Variants in PTPRS observed in about 807,000 individuals in gnomAD.
The protein encoded by PTPRS is protein tyrosine phosphatase receptor type S.
PTPRS carries 63 observed loss-of-function variants against 215.3 expected under a neutral mutation model. The observed-to-expected ratio is 0.29, with a 90% CI of 0.24 to 0.36. PTPRS has a LOEUF of 0.36. Ranked by LOEUF, PTPRS falls within the 10% of genes least tolerant of loss-of-function variation. The pLI is 1.00. For missense variants in PTPRS, 2,258 were observed against 2,825.8 expected (o/e 0.80, Z 4.56); for synonymous variants, 1,404 against 1,191.4 (o/e 1.18, Z -3.68).
intron 35 of PTPRS, among the ~76,000 whole-genome samples, chr19:5,208,804 C>T (rs2040604456): frequency 6.6e-6 from 1 of 152,170 alleles, no homozygotes; most frequent in Admixed American, 6.5e-5. Context: ...TCCTGTATGA[C>T]ATCCAGCACC....
At chr19:5,250,656 C>A (rs1239548636) in intron 9 of PTPRS, among the ~76,000 whole-genome samples, 1 of 2,196 alleles carries the variant, frequency 4.6e-4, no homozygotes, top group Non-Finnish European at 8.5e-4. Flanking sequence ...GGAGGGTGGG[C>A]GGTGGGGTGG....
At chr19:5,236,401 T>C (rs1487311903) in intron 13 of PTPRS, among the ~76,000 whole-genome samples, 1 of 152,222 alleles carries the variant, frequency 6.6e-6, no homozygotes, top group Non-Finnish European at 1.5e-5. Flanking sequence ...GGTTTGAGGT[T>C]GGCAGCTCAG....
chr19:5,319,347 GT>G (rs1312266159), intron 1 of PTPRS, among the ~76,000 whole-genome samples: 6 of 151,942 alleles, frequency 3.9e-5, no homozygotes, highest in African/African-American at 1.2e-4. Context: ...GGAGGTGGAG[GT>G]TGCAGTGAGC....
In PTPRS at chr19:5,339,124, G is replaced by A. The variant is rs1311546049; in HGVS notation, c.-95+1540C>T. On this transcript the variant is annotated intron_variant, in intron 1 of 37. Transcript: ENST00000262963. The surrounding 1 kb of genome is among the most constrained non-coding windows in gnomAD (Gnocchi z 4.2). ...CTTCACTAGCCGCGGCTGCCGGGAT[G>A]TGTTTTTAGGGTCTCGGCCAGAGGC... Among the ~76,000 whole-genome samples the A allele has an allele frequency of 6.6e-6, 1 of 152,202 alleles. No homozygotes were observed. The highest frequency in any genetic ancestry group is 1.5e-5 in the Non-Finnish European group (1 of 68,022).
chr19:5,208,410 A>C lies in PTPRS; in HGVS notation c.5488-19T>G, dbSNP rs762180810. 3.9e-6 allele frequency: 6 copies of C among 1,555,110 alleles called. No homozygotes were observed. On this transcript the variant is annotated intron_variant, in intron 35 of 37. Transcript: ENST00000262963. ...GGCCATCCTAGAGTGCAGAGAGCCC[A>C]ATCTTGTTATCAGGTCAGCAGCGGC...
intron 10 of PTPRS, 90 bp downstream of exon 10, chr19:5,245,686 G>A (rs1014590268): frequency 4.1e-6 from 6 of 1,477,040 alleles, no homozygotes; most frequent in African/African-American, 1.4e-5. Context: ...TAACTCGGAG[G>A]TGCTCCCACG....
At chr19:5,232,381 CTGTT>C (rs558711362) in intron 13 of PTPRS, among the ~76,000 whole-genome samples, 1 of 150,050 alleles carries the variant, frequency 6.7e-6, no homozygotes. Flanking sequence ...AGCAGAAGCT[CTGTT>C]TATTAGGCAC....
rs1485180128 is a variant in PTPRS at position 5,338,367 on chromosome 19, A to C, written c.-95+2297T>G. Among the ~76,000 whole-genome samples, 1 of 152,166 alleles carries C rather than the reference A, an allele frequency of 6.6e-6. No homozygotes were observed. On this transcript the variant is annotated intron_variant, in intron 1 of 37. Coordinates refer to ENST00000262963, the MANE Select transcript of PTPRS (RefSeq NM_002850.4). The surrounding 1 kb of genome is among the most constrained non-coding windows in gnomAD (Gnocchi z 4.2). ...CAGGGGGCTGGGAGGCCTAGCCCCC[A>C]TGCAGAAGTGCACCGTCATGATGAG...
At chr19:5,221,655 TGATCTCAGACTGAACCTC>T (rs2041989481) in intron 19 of PTPRS, among the ~76,000 whole-genome samples, 1 of 152,102 alleles carries the variant, frequency 6.6e-6, no homozygotes, top group Non-Finnish European at 1.5e-5. Flanking sequence ...GACTGATTCC[TGATCTCAGACTGAACCTC>T]AATCCCAGGC....
chr19:5,256,133 A>AG lies in PTPRS; in HGVS notation c.707-15dup. On this transcript the variant is annotated splice_polypyrimidine_tract_variant and intron_variant, in intron 8 of 37. Coordinates refer to ENST00000262963, the MANE Select transcript of PTPRS (RefSeq NM_002850.4). ...CTTCTCGAAGCTCTGAGGGATGTAAAGGGGGTTTGATGCAGAACACAATGA... is the reference window on the plus strand; with the variant it reads ...CTTCTCGAAGCTCTGAGGGATGTAAAGGGGGGTTTGATGCAGAACACAATGA... 2 of 1,523,288 alleles carry AG rather than the reference A, an allele frequency of 1.3e-6. No homozygotes were observed. Among genetic ancestry groups the AG allele is most frequent in the Non-Finnish European group, 1.8e-6 (2 of 1,100,684 alleles). 94.4% of individuals were successfully genotyped at this position (1,523,288 alleles called of 1,614,324 possible). A position where few individuals can be genotyped will look rare whatever the true frequency, so the allele number is the denominator to read the frequency against.
chr19:5,302,832 C>T (rs908818051), intron 1 of PTPRS, among the ~76,000 whole-genome samples: 12 of 148,052 alleles, frequency 8.1e-5, no homozygotes, highest in African/African-American at 2.5e-4. Context: ...TTGAGGCGGG[C>T]GGATCACGAG....
chr19:5,225,905 C>G (rs2042448566), intron 16 of PTPRS, 61 bp from the exon 17 acceptor site: 1 of 1,382,898 alleles, frequency 7.2e-7, no homozygotes, highest in South Asian at 1.2e-5. Context: ...CACCCACCCC[C>G]ACTCCCCGTG....
At chr19:5,318,708 A>G (rs1011050217) in intron 1 of PTPRS, among the ~76,000 whole-genome samples, 1 of 152,184 alleles carries the variant, frequency 6.6e-6, no homozygotes, top group Non-Finnish European at 1.5e-5. Context: ...ACTGGAGTAC[A>G]ATGGTGAGAT....
intron 9 of PTPRS, among the ~76,000 whole-genome samples, chr19:5,255,647 G>C (rs971520312): frequency 6.6e-6 from 1 of 151,704 alleles, no homozygotes; most frequent in Non-Finnish European, 1.5e-5. Context: ...CAGAACAGAA[G>C]ACGAGAAACA....
rs914653664 is a variant in PTPRS, at chr19:5,294,034, G to A, written c.-94-7800C>T. 1.4e-4 allele frequency among the ~76,000 whole-genome samples: 21 copies of A among 152,202 alleles called. No individual in the cohort carries two copies. The highest frequency in any genetic ancestry group is 4.6e-4 in the African/African-American group (19 of 41,462). ...CTCCACCGGAGGGGCCCGGAATGTAGAAGCCCAGCGGGACCTGGGGGTCTG... is the reference window on the plus strand; with the variant it reads ...CTCCACCGGAGGGGCCCGGAATGTAAAAGCCCAGCGGGACCTGGGGGTCTG... On this transcript the variant is annotated intron_variant, in intron 1 of 37. Transcript: ENST00000262963. The surrounding 1 kb of genome is among the most constrained non-coding windows in gnomAD (Gnocchi z 5.1).
intron 11 of PTPRS, 97 bp from the exon 12 acceptor site, chr19:5,240,429 TG>T: frequency 8.0e-7 from 1 of 1,253,668 alleles, no homozygotes; most frequent in Non-Finnish European, 1.1e-6. Flanking sequence ...ATGCCAGCTC[TG>T]GGTGCTTCTA....
chr19:5,269,921 CAAAAAA>C (rs33953639), intron 4 of PTPRS, among the ~76,000 whole-genome samples: 1 of 82,628 alleles, frequency 1.2e-5, no homozygotes, highest in African/African-American at 4.9e-5. Context: ...AACTCCATCT[CAAAAAA>C]AAAAAAAAAA....
At chr19:5,273,650 G>A (rs2047108584) in intron 3 of PTPRS, 67 bp from the exon 4 acceptor site, 42 of 1,568,870 alleles carry the variant, frequency 2.7e-5, no homozygotes, top group Middle Eastern at 1.7e-4. Flanking sequence ...TGTCTAGGCT[G>A]GGCTAGGCTG....
At chr19:5,310,314 TTTTC>T (rs1026810998) in intron 1 of PTPRS, among the ~76,000 whole-genome samples, 3 of 145,320 alleles carry the variant, frequency 2.1e-5, no homozygotes, top group South Asian at 2.2e-4. Context: ...AGCTTTTTTC[TTTTC>T]TTTTTTTTTT....
Sources: allele counts gnomAD v4.1 joint callset (sites outside exome capture counted in the v4.1 genomes callset), GRCh38; gene constraint gnomAD v4.1.1; non-coding constraint Gnocchi (gnomAD v3.1); transcripts MANE v1.5; gene names NCBI Gene and HGNC (gene_info 2026-07-23, HGNC 2026-07-21).